The following ERBB4 variants were observed in gnomAD, a reference collection of about 807,000 sequenced individuals.
ERBB4 encodes receptor tyrosine-protein kinase erbB-4.
In ERBB4, 42 loss-of-function variants were observed where a neutral mutation model predicts 158.0. The observed-to-expected ratio is 0.27, with a 90% CI of 0.21 to 0.34. The LOEUF (loss-of-function observed/expected upper bound fraction) is 0.34. ERBB4 is among the 10% of genes least tolerant of loss of function. The pLI, the probability that ERBB4 is intolerant of heterozygous loss-of-function variation, is 1.00. For synonymous variants in ERBB4, 583 were observed against 558.7 expected, an observed-to-expected ratio of 1.04 and a Z score of -0.61; for missense variants, 1,333 against 1,624.1, an observed-to-expected ratio of 0.82 and a Z score of 3.08.
At chr2:211,943,117 A>G (rs1045158547) in intron 3 of ERBB4, among the ~76,000 whole-genome samples, 1 of 152,100 alleles carries the variant, frequency 6.6e-6, no homozygotes, top group Non-Finnish European at 1.5e-5. Context: ...TATATCTACA[A>G]TATAATATAT....
Position 211,657,826 on chromosome 2 carries a change from C to A in ERBB4, c.1874G>T (p.Cys625Phe). Reference sequence around the variant, plus strand: ...GCAGTCATGACTAGTGGGACCGTTACACCTGCAGGCAATTACAGAACAGAA... The same window carrying A: ...GCAGTCATGACTAGTGGGACCGTTAAACCTGCAGGCAATTACAGAACAGAA... ...HPCHPNCTQG[C>F]NGPTSHDCIY... is the part of the protein sequence containing the mutation. The change falls in exon 16 of 28, where the codon TGT becomes TTT. Residue 625 changes from cysteine to phenylalanine, a missense_variant and splice_region_variant. By Grantham distance (205) the Cys-to-Phe change is radical. This residue lies in a region of ERBB4 where 245 missense variants were observed against 247.5 expected (regional missense o/e 0.99). Coordinates refer to ENST00000342788, the MANE Select transcript of ERBB4 (RefSeq NM_005235.3). 6 of 1,613,714 alleles carry A rather than the reference C, an allele frequency of 3.7e-6. No homozygotes were observed. Among genetic ancestry groups the A allele is most frequent in the Non-Finnish European group, 5.1e-6 (6 of 1,179,662 alleles).
intron 1 of ERBB4, among the ~76,000 whole-genome samples, chr2:212,201,707 G>T (rs565903924): frequency 6.6e-6 from 1 of 152,080 alleles, no homozygotes; most frequent in Admixed American, 6.5e-5. Context: ...TGTCCTCTCT[G>T]GATACTATGG....
chr2:211,834,937 CAT>C (rs2077307622), intron 3 of ERBB4, among the ~76,000 whole-genome samples: 3 of 152,066 alleles, frequency 2.0e-5, no homozygotes, highest in African/African-American at 7.2e-5. Flanking sequence ...AAAACCTATT[CAT>C]ATATTTTAAA....
chr2:212,296,044 T>C (rs2086398317), intron 1 of ERBB4, among the ~76,000 whole-genome samples: 1 of 152,026 alleles, frequency 6.6e-6, no homozygotes, highest in South Asian at 2.1e-4. Context: ...CAAGCTCTGT[T>C]GTCTTTCTGT....
chr2:211,671,113 T>C (rs532546856), intron 14 of ERBB4, among the ~76,000 whole-genome samples: 1 of 152,278 alleles, frequency 6.6e-6, no homozygotes, highest in South Asian at 2.1e-4. Flanking sequence ...ATATATTTGA[T>C]TTTTCTGAAA....
At chr2:211,661,291 G>A (rs1047120007) in intron 15 of ERBB4, among the ~76,000 whole-genome samples, 3 of 152,084 alleles carry the variant, frequency 2.0e-5, no homozygotes, top group Admixed American at 1.3e-4. Context: ...ATTAGTATAT[G>A]CAATTTGCAT....
intron 2 of ERBB4, among the ~76,000 whole-genome samples, chr2:212,018,595 C>A (rs542782288): frequency 6.6e-6 from 1 of 152,062 alleles, no homozygotes; most frequent in Non-Finnish European, 1.5e-5. Flanking sequence ...AAGTTATATA[C>A]GCTTAAATAC....
intron 3 of ERBB4, among the ~76,000 whole-genome samples, chr2:211,809,331 G>C (rs1300133259): frequency 6.6e-6 from 1 of 152,074 alleles, no homozygotes; most frequent in African/African-American, 2.4e-5. Context: ...GAGTTTTTTT[G>C]GTTGGTAGGC....
At chr2:211,524,979 C>T (rs1181767009) in intron 20 of ERBB4, among the ~76,000 whole-genome samples, 1 of 152,198 alleles carries the variant, frequency 6.6e-6, no homozygotes, top group East Asian at 1.9e-4. Flanking sequence ...CAGCTTATGC[C>T]TGCTCCCATA....
At chr2:211,388,077 C>T in intron 25 of ERBB4, 85 bp from the exon 26 acceptor site, 2 of 1,062,378 alleles carry the variant, frequency 1.9e-6, no homozygotes, top group Non-Finnish European at 2.9e-6. Context: ...AAAAGAAAAG[C>T]CACATGGGTC....
At chr2:211,791,624 C>A (rs564522485) in intron 3 of ERBB4, among the ~76,000 whole-genome samples, 11 of 151,922 alleles carry the variant, frequency 7.2e-5, no homozygotes, top group African/African-American at 2.6e-4. Flanking sequence ...CAGATAGATT[C>A]TTGGTCATTG....
At chr2:212,180,290 C>A (rs1343228065) in intron 1 of ERBB4, among the ~76,000 whole-genome samples, 1 of 151,586 alleles carries the variant, frequency 6.6e-6, no homozygotes, top group African/African-American at 2.4e-5. Context: ...CCTGTCAATT[C>A]GGGATAAGCA....
intron 1 of ERBB4, among the ~76,000 whole-genome samples, chr2:212,296,697 C>T (rs781663195): frequency 7.9e-5 from 12 of 151,890 alleles, no homozygotes; most frequent in Non-Finnish European, 1.3e-4. Flanking sequence ...TGAATGTAGA[C>T]AATCTGAGGA....
chr2:211,550,725 TATATATAC>T (rs1218329611), intron 20 of ERBB4, among the ~76,000 whole-genome samples: 2 of 141,798 alleles, frequency 1.4e-5, no homozygotes, highest in African/African-American at 5.4e-5. Context: ...TATATATATA[TATATATAC>T]ACACACACAC....
chr2:211,626,707 G>A (rs1387989525), intron 17 of ERBB4, among the ~76,000 whole-genome samples: 2 of 151,940 alleles, frequency 1.3e-5, no homozygotes, highest in Non-Finnish European at 2.9e-5. Flanking sequence ...GGCGGATCAC[G>A]AGGTCAGGAG....
At chr2:212,453,460 T>G (rs990804987) in intron 1 of ERBB4, among the ~76,000 whole-genome samples, 1 of 152,180 alleles carries the variant, frequency 6.6e-6, no homozygotes, top group Non-Finnish European at 1.5e-5. Flanking sequence ...AAATAACACA[T>G]GATCAACATT....
chr2:211,748,409 C>A (rs1292658120), intron 5 of ERBB4, among the ~76,000 whole-genome samples: 1 of 152,112 alleles, frequency 6.6e-6, no homozygotes, highest in Non-Finnish European at 1.5e-5. Flanking sequence ...AAGAGGCAAC[C>A]AAAGGAGAAA....
At chr2:212,214,798 C>T (rs991129807) in intron 1 of ERBB4, among the ~76,000 whole-genome samples, 1 of 151,602 alleles carries the variant, frequency 6.6e-6, no homozygotes, top group Non-Finnish European at 1.5e-5. Flanking sequence ...CCAAAATACA[C>T]GTACACAATG....
At chr2:211,719,154 A>T (rs1193940124) in intron 7 of ERBB4, among the ~76,000 whole-genome samples, 1 of 152,214 alleles carries the variant, frequency 6.6e-6, no homozygotes, top group East Asian at 1.9e-4. Flanking sequence ...ACACATTTTC[A>T]TCATGTCTTC....
Sources: gnomAD v4.1 joint callset for allele counts (sites outside exome capture counted in the v4.1 genomes callset) on GRCh38, gnomAD v4.1.1 for gene constraint, gnomAD v4.1.1 regional missense constraint, MANE v1.5 for transcripts, NCBI Gene and HGNC (gene_info 2026-07-23, HGNC 2026-07-21) for gene names.